AGBL4: variants seen among roughly 807,000 people sequenced by gnomAD.
The protein encoded by AGBL4 is cytosolic carboxypeptidase 6.
Under a neutral mutation model 66.4 loss-of-function variants are expected in AGBL4, and 58 were observed. The ratio of observed to expected loss-of-function variants is 0.87; its 90% CI spans 0.71 to 1.09. The LOEUF (loss-of-function observed/expected upper bound fraction) is 1.09, where lower values mean the gene tolerates loss of function less well. AGBL4 is among the 50% of genes least tolerant of loss of function. The pLI is 0.00. For missense variants in AGBL4, 579 were observed against 631.0 expected, an observed-to-expected ratio of 0.92 and a Z score of 0.88; for synonymous variants, 234 against 222.9, an observed-to-expected ratio of 1.05 and a Z score of -0.44.
At position 48,820,972 on chromosome 1, in the gene AGBL4, C is replaced by T. The variant is rs371621373; in HGVS notation, c.634+46219G>A. ...TGAACAGATATTTCTCAAAAGAAGA[C>T]ATACAAGTGGCCAATAAACATATGA... On this transcript the variant is annotated intron_variant, in intron 6 of 13. Transcript: ENST00000371839. 1.2e-4 allele frequency among the ~76,000 whole-genome samples: 19 copies of T among 152,158 alleles called. No homozygotes were observed. The South Asian group carries it at 3.5e-3, about 28-fold the overall frequency.
chr1:49,354,620 A>C (rs1319322488), intron 3 of AGBL4, among the ~76,000 whole-genome samples: 2 of 152,180 alleles, frequency 1.3e-5, no homozygotes, highest in African/African-American at 4.8e-5. Context: ...GTAAAACCTC[A>C]TGTAACATCT....
intron 5 of AGBL4, among the ~76,000 whole-genome samples, chr1:48,885,609 T>C (rs1188396126): frequency 1.3e-5 from 2 of 152,206 alleles, no homozygotes; most frequent in African/African-American, 4.8e-5. Flanking sequence ...TTAGAGGTAC[T>C]AAAATATAAA....
At chr1:48,867,362 A>C in intron 5 of AGBL4, 132 bp from the exon 6 acceptor site, 2 of 903,026 alleles carry the variant, frequency 2.2e-6, no homozygotes, top group Non-Finnish European at 3.6e-6. Context: ...TGTGGTACTC[A>C]CTTCCAATTC....
At chr1:49,418,392 A>T (rs946493106) in intron 3 of AGBL4, among the ~76,000 whole-genome samples, 5 of 152,206 alleles carry the variant, frequency 3.3e-5, no homozygotes, top group African/African-American at 1.2e-4. Flanking sequence ...TATAAAAATG[A>T]ATAAAACATA....
At chr1:49,693,057 G>T (rs1046694050) in intron 3 of AGBL4, among the ~76,000 whole-genome samples, 2 of 152,140 alleles carry the variant, frequency 1.3e-5, no homozygotes, top group Middle Eastern at 3.2e-3. Flanking sequence ...CCATTTATCT[G>T]TGTGAAGTTT....
chr1:49,507,657 T>A (rs181644452), intron 3 of AGBL4, among the ~76,000 whole-genome samples: 124 of 152,108 alleles, frequency 8.2e-4, no homozygotes, highest in African/African-American at 2.8e-3. Flanking sequence ...TAATTATTGA[T>A]AAATGTTTTT....
chr1:49,623,034 A>T (rs1645397869), intron 3 of AGBL4, among the ~76,000 whole-genome samples: 2 of 152,280 alleles, frequency 1.3e-5, no homozygotes, highest in African/African-American at 4.8e-5. Context: ...TCTCTCTCTC[A>T]AATTAGATTA....
rs1663884656 is a variant in AGBL4, at chr1:49,028,165, C to T, written c.594+17419G>A. On this transcript the variant is annotated intron_variant, in intron 5 of 13. Transcript: ENST00000371839. ...GCTGGTCACTACATGAGATTTATAG[C>T]AACAAGTAAAACAACAGACTAGCTA... Among the ~76,000 whole-genome samples, 4 of 152,082 alleles carry T rather than the reference C, an allele frequency of 2.6e-5. No individual in the cohort carries two copies. In the South Asian group the frequency reaches 8.3e-4, roughly 32 times the overall value.
chr1:49,584,251 T>G (rs551606487), intron 3 of AGBL4, among the ~76,000 whole-genome samples: 2 of 152,182 alleles, frequency 1.3e-5, no homozygotes, highest in Non-Finnish European at 2.9e-5. Flanking sequence ...GTGTCTAAAA[T>G]GAATTTGTTG....
chr1:49,032,844 G>GA (rs1205051192), intron 5 of AGBL4, among the ~76,000 whole-genome samples: 1 of 152,092 alleles, frequency 6.6e-6, no homozygotes, highest in Non-Finnish European at 1.5e-5. Context: ...CTTAAAAGAA[G>GA]AAGTTAAATA....
chr1:49,832,429 C>G (rs1645715736), intron 2 of AGBL4, among the ~76,000 whole-genome samples: 1 of 150,038 alleles, frequency 6.7e-6, no homozygotes, highest in Non-Finnish European at 1.5e-5. Context: ...CAAGTCTTTG[C>G]TATTGTGAAT....
chr1:49,641,165 G>A (rs1319056158), intron 3 of AGBL4, among the ~76,000 whole-genome samples: 1 of 152,018 alleles, frequency 6.6e-6, no homozygotes, highest in African/African-American at 2.4e-5. Context: ...CTTTCTCTTA[G>A]TAAAAGAAAA....
chr1:49,454,490 C>T (rs1646346550), intron 3 of AGBL4, among the ~76,000 whole-genome samples: 1 of 151,702 alleles, frequency 6.6e-6, no homozygotes, highest in African/African-American at 2.4e-5. Flanking sequence ...TGAATATATT[C>T]TATGCTTTCC....
chr1:49,712,433 C>A (rs1433831803), intron 2 of AGBL4, among the ~76,000 whole-genome samples: 1 of 151,324 alleles, frequency 6.6e-6, no homozygotes, highest in Non-Finnish European at 1.5e-5. Flanking sequence ...ATGGCAGTTA[C>A]CAGAGATGGG....
chr1:49,916,272 A>C (rs1651480057), intron 1 of AGBL4, among the ~76,000 whole-genome samples: 1 of 151,964 alleles, frequency 6.6e-6, no homozygotes. Flanking sequence ...GGCTTCAGAC[A>C]ATCAAAGTTC....
chr1:48,779,704 CTTTTTTTTT>C (rs200375125), intron 6 of AGBL4, among the ~76,000 whole-genome samples: 92,203 of 137,086 alleles, frequency 0.67, 30,883 homozygotes, highest in African/African-American at 0.74. Flanking sequence ...CTGTTCCTCT[CTTTTTTTTT>C]TTTTTTTTTT....
At chr1:49,759,575 T>C (rs1652149263) in intron 2 of AGBL4, among the ~76,000 whole-genome samples, 1 of 152,208 alleles carries the variant, frequency 6.6e-6, no homozygotes, top group African/African-American at 2.4e-5. Context: ...TGGTTCATTA[T>C]TTACAGCAAA....
At chr1:49,248,385 T>G (rs546306551) in intron 3 of AGBL4, among the ~76,000 whole-genome samples, 2 of 152,358 alleles carry the variant, frequency 1.3e-5, no homozygotes, top group African/African-American at 4.8e-5. Flanking sequence ...ATTGATGCAT[T>G]ATCTCATTTG....
chr1:49,114,104 A>G (rs1345236020), intron 4 of AGBL4, among the ~76,000 whole-genome samples: 1 of 152,236 alleles, frequency 6.6e-6, no homozygotes, highest in East Asian at 1.9e-4. Flanking sequence ...TCTAGCTATG[A>G]AAGTCCTATA....
Sources: allele counts gnomAD v4.1 joint callset (sites outside exome capture counted in the v4.1 genomes callset), GRCh38; gene constraint gnomAD v4.1.1; transcripts MANE v1.5; gene names NCBI Gene and HGNC (gene_info 2026-07-23, HGNC 2026-07-21).